The following PCDHA3 variants were observed in gnomAD, a reference collection of about 807,000 sequenced individuals.
PCDHA3 encodes the protein protocadherin alpha-3.
Under a neutral mutation model 62.2 loss-of-function variants are expected in PCDHA3, and 41 were observed. The observed-to-expected ratio is 0.66, with a 90% CI of 0.51 to 0.86. The LOEUF (loss-of-function observed/expected upper bound fraction) is 0.86. Among genes scored for constraint, PCDHA3 ranks in the 40% least tolerant of loss-of-function variants. The pLI, the probability that PCDHA3 is intolerant of heterozygous loss-of-function variation, is 0.00. For synonymous variants in PCDHA3, 640 were observed against 555.4 expected (o/e 1.15, Z -2.14); for missense variants, 1,304 against 1,241.2 (o/e 1.05, Z -0.76).
intron 1 of PCDHA3, among the ~76,000 whole-genome samples, chr5:140,907,450 T>C (rs1235040607): frequency 1.1e-4 from 17 of 152,218 alleles, no homozygotes; most frequent in Non-Finnish European, 2.5e-4. Context: ...CAGATGGTAA[T>C]CTTGGCAGAA....
chr5:140,876,620 G>A lies in PCDHA3; in HGVS notation c.2394+73029G>A, dbSNP rs782423759. The A allele has an allele frequency of 1.1e-5, 18 of 1,614,062 alleles. No homozygotes were observed. The highest frequency in any genetic ancestry group is 1.7e-5 in the Admixed American group (1 of 60,010). Reference sequence around the variant, plus strand: ...TCGGATCGTGACTCTGGAGCCAATGGACAGGTCATCTGCTCACTGACACCT... The same window carrying A: ...TCGGATCGTGACTCTGGAGCCAATGAACAGGTCATCTGCTCACTGACACCT... On this transcript the variant is annotated intron_variant, in intron 1 of 3. Coordinates refer to ENST00000522353, the MANE Select transcript of PCDHA3 (RefSeq NM_018906.3).
intron 1 of PCDHA3, chr5:140,871,156 G>A (rs200268029): frequency 4.7e-5 from 76 of 1,613,328 alleles, no homozygotes; most frequent in Admixed American, 3.0e-4. Context: ...TTTGGCGGGC[G>A]CCGCGAGCCC....
Position 140,978,781 on chromosome 5 carries a change from A to C in PCDHA3, c.2395-168A>C, listed in dbSNP as rs4461687. ...GACCCTGATGAACTAATTTTCTTCT[A>C]AAGTGCTATATATGTAGATATCATC... On this transcript the variant is annotated intron_variant, in intron 1 of 3. Coordinates refer to ENST00000522353, the MANE Select transcript of PCDHA3 (RefSeq NM_018906.3). 2,731 of 969,880 alleles carry C rather than the reference A, an allele frequency of 2.8e-3. 24 individuals carry two copies. The East Asian group carries it at 0.042, about 15-fold the overall frequency. The allele number at this position is 969,880 out of a possible 1,614,324, so 60.1% of individuals were successfully genotyped here.
chr5:140,939,579 A>AT (rs2153642013), intron 1 of PCDHA3, among the ~76,000 whole-genome samples: 1 of 152,306 alleles, frequency 6.6e-6, no homozygotes, highest in African/African-American at 2.4e-5. Context: ...AAAATGGAAA[A>AT]TTTTAACATA....
intron 3 of PCDHA3, among the ~76,000 whole-genome samples, chr5:140,996,531 G>C (rs782175834): frequency 6.6e-6 from 1 of 152,146 alleles, no homozygotes; most frequent in Non-Finnish European, 1.5e-5. Context: ...GGCCCTGTGT[G>C]TTTTGATATT....
rs1324543044 is a variant in PCDHA3 at position 140,847,178 on chromosome 5, A to G, written c.2394+43587A>G. ...TTTCTGAGTAATAAACTAAAGGGCC[A>G]TGAGTGATTAAGGAATTTGGCCACT... On this transcript the variant is annotated intron_variant, in intron 1 of 3. Coordinates refer to ENST00000522353, the MANE Select transcript of PCDHA3 (RefSeq NM_018906.3). Among the ~76,000 whole-genome samples the G allele has an allele frequency of 3.3e-5, 5 of 149,760 alleles. 1 individual carries two copies. The highest frequency in any genetic ancestry group is 7.5e-5 in the Non-Finnish European group (5 of 66,876).
In PCDHA3 at chr5:140,801,853, A is replaced by T. The variant is rs1581646062; in HGVS notation, c.656A>T (p.Lys219Ile). 2 of 1,614,140 alleles carry T rather than the reference A, an allele frequency of 1.2e-6. No homozygotes were observed. The highest frequency in any genetic ancestry group is 2.7e-5 in the African/African-American group (2 of 75,048). Residue 219 changes from lysine (K) to isoleucine (I), a missense_variant, in exon 1 of 4, where the codon AAA (lysine) becomes ATA (isoleucine). Transcript: ENST00000522353. ...YLLITAIDGG[K>I]PELTGTTQLK... ...CTAATAACAGCAATTGATGGTGGGA[A>T]ACCAGAGCTCACTGGCACGACTCAA...
At chr5:140,862,549 C>T in intron 1 of PCDHA3, 3 of 457,652 alleles carry the variant, frequency 6.6e-6, no homozygotes, top group South Asian at 5.1e-5. Context: ...TGGAAGTGGC[C>T]GAACAGTGAA....
chr5:140,973,384 CAAAG>C (rs1250756648), intron 1 of PCDHA3, among the ~76,000 whole-genome samples: 4 of 152,194 alleles, frequency 2.6e-5, no homozygotes, highest in Non-Finnish European at 5.9e-5. Context: ...TCAGAATAGA[CAAAG>C]AAATCATATC....
chr5:140,877,411 C>T (rs781874450), intron 1 of PCDHA3: 75 of 1,613,818 alleles, frequency 4.6e-5, no homozygotes, highest in Non-Finnish European at 6.0e-5. Context: ...GCGCCACCGC[C>T]TGCTGGTGCT....
intron 1 of PCDHA3, chr5:140,850,885 G>C: frequency 1.3e-6 from 2 of 1,582,746 alleles, no homozygotes; most frequent in South Asian, 1.1e-5. Flanking sequence ...GATTCAACTG[G>C]GAAGGTGGGT....
intron 1 of PCDHA3, chr5:140,927,790 G>C: frequency 6.2e-7 from 1 of 1,614,218 alleles, no homozygotes; most frequent in Non-Finnish European, 8.5e-7. Flanking sequence ...TGCTTCACTA[G>C]GTCCGCCTGA....
chr5:140,954,057 A>C (rs1554221238), intron 1 of PCDHA3, among the ~76,000 whole-genome samples: 1 of 152,112 alleles, frequency 6.6e-6, no homozygotes, highest in Admixed American at 6.5e-5. Flanking sequence ...TTCCTGCATT[A>C]TTATGCTGAG....
intron 1 of PCDHA3, chr5:140,863,119 A>G: frequency 1.7e-6 from 1 of 591,284 alleles, no homozygotes. Context: ...GGCGAAAGCT[A>G]CGCGCCACCG....
chr5:140,852,300 C>T (rs1056866634), intron 1 of PCDHA3: 15 of 446,010 alleles, frequency 3.4e-5, no homozygotes, highest in East Asian at 3.0e-4. Context: ...TTTTCTGAGA[C>T]GGAGTCGTTT....
At chr5:140,949,453 A>T (rs1284957540) in intron 1 of PCDHA3, among the ~76,000 whole-genome samples, 4 of 151,762 alleles carry the variant, frequency 2.6e-5, no homozygotes, top group African/African-American at 9.7e-5. Flanking sequence ...TGCTTCATGT[A>T]ATTTGAAGCC....
chr5:140,850,503 G>C (rs2041643123), intron 1 of PCDHA3: 1 of 1,598,290 alleles, frequency 6.3e-7, no homozygotes, highest in Non-Finnish European at 8.6e-7. Flanking sequence ...GGTGTCGCTG[G>C]TGGAGAGCGG....
At chr5:140,804,056 T>A (rs782242536) in intron 1 of PCDHA3, 1 of 163,856 alleles carries the variant, frequency 6.1e-6, no homozygotes, top group Non-Finnish European at 1.3e-5. Flanking sequence ...CTATTGATTA[T>A]GCTTTTCCAC....
At chr5:140,966,821 C>T (rs1554228738) in intron 1 of PCDHA3, 1 of 1,557,928 alleles carries the variant, frequency 6.4e-7, no homozygotes, top group Admixed American at 1.9e-5. Flanking sequence ...GCTCCGGCGG[C>T]CCATGCCCTG....
Sources: allele counts gnomAD v4.1 joint callset (sites outside exome capture counted in the v4.1 genomes callset), GRCh38; gene constraint gnomAD v4.1.1; transcripts MANE v1.5; gene names NCBI Gene and HGNC (gene_info 2026-07-23, HGNC 2026-07-21).